Variants in EDC4 observed in about 807,000 individuals in gnomAD.
EDC4 encodes the protein enhancer of mRNA decapping 4.
EDC4 carries 64 observed loss-of-function variants against 155.8 expected under a neutral mutation model. The ratio of observed to expected loss-of-function variants is 0.41; its 90% confidence interval spans 0.34 to 0.51. The LOEUF (loss-of-function observed/expected upper bound fraction) is 0.51. EDC4 is among the 20% of genes least tolerant of loss of function. The pLI, the probability that EDC4 is intolerant of heterozygous loss-of-function variation, is 0.19. For synonymous variants in EDC4, 684 were observed against 716.8 expected (o/e 0.95, Z 0.73); for missense variants, 1,303 against 1,812.5 (o/e 0.72, Z 5.10).
At position 67,883,436 on chromosome 16, in the gene EDC4, G is replaced by C; in HGVS notation, c.3850-132G>C. On this transcript the variant is annotated intron_variant, in intron 27 of 28. Coordinates refer to ENST00000358933, the MANE Select transcript of EDC4 (RefSeq NM_014329.5). This position sits in a 1 kb window ranked among gnomAD's most constrained non-coding sequence, Gnocchi z 5.3. ...CTAGGGTAACTACACAGCCCTACAG[G>C]CTCTCTCTGAGTCCCTCTGGAGCTC... 1 of 1,416,000 alleles carries C rather than the reference G, an allele frequency of 7.1e-7. No homozygotes were observed. The highest frequency in any genetic ancestry group is 1.3e-5 in the South Asian group (1 of 77,918). The allele number at this position is 1,416,000 out of a possible 1,614,324, so 87.7% of individuals were successfully genotyped here. A position where few individuals can be genotyped will look rare whatever the true frequency, so the allele number is the denominator to read the frequency against.
chr16:67,878,807 G>A lies in EDC4; in HGVS notation c.1255G>A (p.Glu419Lys), dbSNP rs1164257717. ...SLKVCLDLSA[E>K]YLILSDVQRK... is the part of the protein sequence containing the mutation. ...CAAGGTTTGCTTGGACCTCTCAGCA[G>A]AATACCTGATTCTCAGCGATGTGCA... The change falls in exon 11 of 29, where the codon GAA (glutamate) becomes AAA (lysine). Residue 419 changes from glutamate to lysine, a missense_variant. By Grantham distance (56) the Glu-to-Lys change is moderately conservative. Coordinates refer to ENST00000358933, the MANE Select transcript of EDC4 (RefSeq NM_014329.5). The surrounding 1 kb of genome is among the most constrained non-coding windows in gnomAD (Gnocchi z 5.2). 6.2e-6 allele frequency: 10 copies of A among 1,613,984 alleles called. No homozygotes were observed. The highest frequency in any genetic ancestry group is 5.5e-5 in the South Asian group (5 of 91,092).
In EDC4 at chr16:67,877,204, C is replaced by T. The variant is rs1351105322; in HGVS notation, c.452-13C>T. The T allele has an allele frequency of 1.2e-6, 2 of 1,609,072 alleles. No individual in the cohort carries two copies. Among genetic ancestry groups the T allele is most frequent in the African/African-American group, 1.3e-5 (1 of 74,998 alleles). On this transcript the variant is annotated splice_polypyrimidine_tract_variant and intron_variant, in intron 4 of 28. Transcript: ENST00000358933. This position sits in a 1 kb window ranked among gnomAD's most constrained non-coding sequence, Gnocchi z 4.9. ...GGATACGTATTCATGGTCCACTGCT[C>T]TCCTGATTCCAGCTGCCAACAATGG...
In EDC4 at chr16:67,876,672, C is replaced by A; in HGVS notation, c.351+73C>A. ...AGCCTTTCCAGTCTCCCTCATGCTGCCAGTTCCTATGGGGACCACCTTGAC... is the reference window on the plus strand; with the variant it reads ...AGCCTTTCCAGTCTCCCTCATGCTGACAGTTCCTATGGGGACCACCTTGAC... On this transcript the variant is annotated intron_variant, in intron 3 of 28. Coordinates refer to ENST00000358933, the MANE Select transcript of EDC4 (RefSeq NM_014329.5). The surrounding 1 kb of genome is among the most constrained non-coding windows in gnomAD (Gnocchi z 5.8). The A allele has an allele frequency of 6.3e-7, 1 of 1,586,816 alleles. No homozygotes were observed. The highest frequency in any genetic ancestry group is 8.6e-7 in the Non-Finnish European group (1 of 1,164,080).
Position 67,877,061 on chromosome 16 carries a change from A to G in EDC4, c.451+89A>G, listed in dbSNP as rs1311028178. 2.6e-6 allele frequency: 4 copies of G among 1,568,052 alleles called. No homozygotes were observed. The highest frequency in any genetic ancestry group is 3.5e-6 in the Non-Finnish European group (4 of 1,155,704). ...ATCAGGCCACTCAGGCCTTAGGGGTACAATGGAAGGTTTGTCCATGCTGCC... is the reference window on the plus strand; with the variant it reads ...ATCAGGCCACTCAGGCCTTAGGGGTGCAATGGAAGGTTTGTCCATGCTGCC... On this transcript the variant is annotated intron_variant, in intron 4 of 28. Coordinates refer to ENST00000358933, the MANE Select transcript of EDC4 (RefSeq NM_014329.5). This position sits in a 1 kb window ranked among gnomAD's most constrained non-coding sequence, Gnocchi z 4.9.
Position 67,884,437 on chromosome 16 carries a change from A to G in EDC4, c.*289A>G, listed in dbSNP as rs2058084534. The G allele has an allele frequency of 1.9e-6, 1 of 525,796 alleles. No individual in the cohort carries two copies. The highest frequency in any genetic ancestry group is 3.4e-6 in the Non-Finnish European group (1 of 298,336). 32.6% of individuals were successfully genotyped at this position (525,796 alleles called of 1,614,324 possible). A position where few individuals can be genotyped will look rare whatever the true frequency, so the allele number is the denominator to read the frequency against. On this transcript the variant is annotated 3_prime_UTR_variant, in exon 29 of 29. Transcript: ENST00000358933. The surrounding 1 kb of genome is among the most constrained non-coding windows in gnomAD (Gnocchi z 4.1). The stretch of plus-strand genomic sequence containing the variant: ...ATTTTCCATGTTCCTTTTTACCTCT[A>G]ATTTGGATCTTTTTGTTTTTGAAAA...
chr16:67,878,099 T>G lies in EDC4; in HGVS notation c.895-67T>G. The G allele has an allele frequency of 6.2e-7, 1 of 1,602,748 alleles. No individual in the cohort carries two copies. The highest frequency in any genetic ancestry group is 8.5e-7 in the Non-Finnish European group (1 of 1,173,720). On this transcript the variant is annotated intron_variant, in intron 7 of 28. Coordinates refer to ENST00000358933, the MANE Select transcript of EDC4 (RefSeq NM_014329.5). The surrounding 1 kb of genome is among the most constrained non-coding windows in gnomAD (Gnocchi z 5.2). Reference sequence around the variant, plus strand: ...CCCACCGTGAGTCAGCCCAGCTCATTGCCATCCTCACTTGGGAGGGGCTTG... The same window carrying G: ...CCCACCGTGAGTCAGCCCAGCTCATGGCCATCCTCACTTGGGAGGGGCTTG...
At position 67,873,178 on chromosome 16, in the gene EDC4, C is replaced by A; in HGVS notation, c.-84C>A. 2 of 1,089,190 alleles carry A rather than the reference C, an allele frequency of 1.8e-6. No homozygotes were observed. The highest frequency in any genetic ancestry group is 2.0e-5 in the South Asian group (1 of 50,340). 67.5% of individuals were successfully genotyped at this position (1,089,190 alleles called of 1,614,324 possible). ...TAGTGACCGGCGTCCCGCTGTCTCG[C>A]CCCGTGGCGGGTGAGCGAGGGTGCG... On this transcript the variant is annotated 5_prime_UTR_variant, in exon 1 of 29. Coordinates refer to ENST00000358933, the MANE Select transcript of EDC4 (RefSeq NM_014329.5).
In EDC4 at chr16:67,882,088, A is replaced by C; in HGVS notation, c.3139A>C (p.Ile1047Leu). ...GCTAGAGCGCAGCATACGGGATGAG[A>C]TCAAGAAGACAGTCCCTCCATGTGA... is the stretch of plus-strand genomic sequence containing the variant. The part of the protein sequence containing the change: ...GRLERSIRDE[I>L]KKTVPPCVSR... The change falls in exon 23 of 29, where the codon ATC (isoleucine) becomes CTC (leucine). Residue 1047 changes from isoleucine (I) to leucine (L), a missense_variant. Physicochemically the swap from Ile to Leu is conservative, Grantham distance 5. Transcript: ENST00000358933. The surrounding 1 kb of genome is among the most constrained non-coding windows in gnomAD (Gnocchi z 7.2). 2.5e-6 allele frequency: 4 copies of C among 1,613,792 alleles called. No individual in the cohort carries two copies. Among genetic ancestry groups the C allele is most frequent in the Non-Finnish European group, 3.4e-6 (4 of 1,179,984 alleles).
chr16:67,883,672 C>A lies in EDC4; in HGVS notation c.3954C>A (p.Leu1318=). ...QPPCPLSQPV[L]LSLIQQLASD... ...CCTGCCCGCTCTCCCAGCCTGTGCT[C>A]CTTTCCCTCATCCAGCAGCTGGCAT... The change falls in exon 28 of 29, where the codon CTC becomes CTA. Residue 1318 remains leucine (L), a synonymous_variant. Coordinates refer to ENST00000358933, the MANE Select transcript of EDC4 (RefSeq NM_014329.5). The surrounding 1 kb of genome is among the most constrained non-coding windows in gnomAD (Gnocchi z 5.3). 6.2e-7 allele frequency: 1 copy of A among 1,614,218 alleles called. No homozygotes were observed. Among genetic ancestry groups the A allele is most frequent in the Middle Eastern group, 1.6e-4 (1 of 6,062 alleles).
In EDC4 at chr16:67,881,555, G is replaced by A. The variant is rs779001562; in HGVS notation, c.2826+22G>A. 6 of 1,613,752 alleles carry A rather than the reference G, an allele frequency of 3.7e-6. No individual in the cohort carries two copies. The highest frequency in any genetic ancestry group is 4.2e-6 in the Non-Finnish European group (5 of 1,180,008). On this transcript the variant is annotated intron_variant, in intron 21 of 28. Coordinates refer to ENST00000358933, the MANE Select transcript of EDC4 (RefSeq NM_014329.5). This position sits in a 1 kb window ranked among gnomAD's most constrained non-coding sequence, Gnocchi z 5.4. The stretch of plus-strand genomic sequence containing the variant: ...CCAGGTAAGTGAATGAGCCCACTTT[G>A]TACTTGTGGAACTTCACCCTGGGCG...
Position 67,881,578 on chromosome 16 carries a change from G to A in EDC4, c.2826+45G>A. On this transcript the variant is annotated intron_variant, in intron 21 of 28. Coordinates refer to ENST00000358933, the MANE Select transcript of EDC4 (RefSeq NM_014329.5). This position sits in a 1 kb window ranked among gnomAD's most constrained non-coding sequence, Gnocchi z 5.4. ...TTGTACTTGTGGAACTTCACCCTGG[G>A]CGGGTGGAGAAGGGCTCTGGGCCAT... is the stretch of plus-strand genomic sequence containing the variant. 1 of 1,613,454 alleles carries A rather than the reference G, an allele frequency of 6.2e-7. No individual in the cohort carries two copies. The highest frequency in any genetic ancestry group is 8.5e-7 in the Non-Finnish European group (1 of 1,179,846).
At position 67,882,070 on chromosome 16, in the gene EDC4, C is replaced by T. The variant is rs1341391429; in HGVS notation, c.3121C>T (p.Arg1041Cys). Residue 1041 changes from arginine (R) to cysteine (C), a missense_variant, in exon 23 of 29, where the codon CGC (arginine) becomes TGC (cysteine). Around this residue, in one of 5 missense-constraint regions of EDC4, gnomAD observed 527 missense variants for 757.0 expected, o/e 0.70. Transcript: ENST00000358933. This position sits in a 1 kb window ranked among gnomAD's most constrained non-coding sequence, Gnocchi z 7.2. ...LSSAVAGRLE[R>C]SIRDEIKKTV... ...GTCAGCTGTAGCTGGGCGGCTAGAG[C>T]GCAGCATACGGGATGAGATCAAGAA... The T allele has an allele frequency of 6.2e-7, 1 of 1,613,298 alleles. No individual in the cohort carries two copies.
chr16:67,877,436 C>G lies in EDC4; in HGVS notation c.641+30C>G. On this transcript the variant is annotated intron_variant, in intron 5 of 28. Transcript: ENST00000358933. The surrounding 1 kb of genome is among the most constrained non-coding windows in gnomAD (Gnocchi z 4.9). ...CCATTCCTTCCTGTGGGTGGTGGGA[C>G]TGAAGAAGGGTGGGCGGAGCTGGGG... 6.2e-7 allele frequency: 1 copy of G among 1,610,746 alleles called. No individual in the cohort carries two copies. The highest frequency in any genetic ancestry group is 8.5e-7 in the Non-Finnish European group (1 of 1,177,768).
rs2058055535 is a variant in EDC4, at chr16:67,879,500, T to A, written c.1630T>A (p.Phe544Ile). The change falls in exon 14 of 29, where the codon TTC becomes ATC. Residue 544 changes from phenylalanine (F) to isoleucine (I), a missense_variant. By Grantham distance (21) the Phe-to-Ile change is conservative. Around this residue, in one of 5 missense-constraint regions of EDC4, gnomAD observed 391 missense variants for 445.4 expected, o/e 0.88. Coordinates refer to ENST00000358933, the MANE Select transcript of EDC4 (RefSeq NM_014329.5). This position sits in a 1 kb window ranked among gnomAD's most constrained non-coding sequence, Gnocchi z 6.0. ...PLPTHTAHED[F>I]TFGESRPELG... is the part of the protein sequence containing the mutation. The stretch of plus-strand genomic sequence containing the variant: ...GCCCACCCACACTGCCCACGAGGAC[T>A]TCAGTGAGTAGGGCGTGAGAGGGAG... 6.2e-7 allele frequency: 1 copy of A among 1,614,028 alleles called. No homozygotes were observed. Among genetic ancestry groups the A allele is most frequent in the Non-Finnish European group, 8.5e-7 (1 of 1,180,010 alleles).
rs1429577413 is a variant in EDC4 at position 67,882,696 on chromosome 16, A to G, written c.3460A>G (p.Ser1154Gly). 2 of 1,614,240 alleles carry G rather than the reference A, an allele frequency of 1.2e-6. No individual in the cohort carries two copies. Among genetic ancestry groups the G allele is most frequent in the South Asian group, 2.2e-5 (2 of 91,090 alleles). The change falls in exon 26 of 29, where the codon AGC (serine) becomes GGC (glycine). Residue 1154 changes from serine (S) to glycine (G), a missense_variant. Transcript: ENST00000358933. The surrounding 1 kb of genome is among the most constrained non-coding windows in gnomAD (Gnocchi z 7.2). ...CCCCTCAGACTTGCAGCAGCTAGAA[A>G]GCCACATGAAGAGCCGGAAGGCACG... ...GTQEYLQQLE[S>G]HMKSRKAREQ... is the part of the protein sequence containing the mutation.
chr16:67,879,644 G>A lies in EDC4; in HGVS notation c.1691G>A (p.Gly564Asp). Residue 564 changes from glycine to aspartate, a missense_variant, in exon 15 of 29, where the codon GGC becomes GAC. Coordinates refer to ENST00000358933, the MANE Select transcript of EDC4 (RefSeq NM_014329.5). This position sits in a 1 kb window ranked among gnomAD's most constrained non-coding sequence, Gnocchi z 6.0. ...GSEGLGSAAH[G>D]SQPDLRRIVE... The stretch of plus-strand genomic sequence containing the variant: ...GAGGGCCTGGGGTCAGCCGCTCACG[G>A]CTCCCAGCCTGACCTCCGACGAATC... 6.2e-7 allele frequency: 1 copy of A among 1,614,140 alleles called. No individual in the cohort carries two copies.
chr16:67,880,071 A>C lies in EDC4; in HGVS notation c.1952A>C (p.Glu651Ala), dbSNP rs762843618. 24 of 1,605,498 alleles carry C rather than the reference A, an allele frequency of 1.5e-5. No homozygotes were observed. Among genetic ancestry groups the C allele is most frequent in the Non-Finnish European group, 2.0e-5 (23 of 1,174,904 alleles). Residue 651 changes from glutamate to alanine, a missense_variant, in exon 17 of 29, where the codon GAG becomes GCG. Glu to Ala is a moderately radical substitution (Grantham distance 107). This residue lies in a region of EDC4 where 391 missense variants were observed against 445.4 expected (regional missense o/e 0.88). Coordinates refer to ENST00000358933, the MANE Select transcript of EDC4 (RefSeq NM_014329.5). This position sits in a 1 kb window ranked among gnomAD's most constrained non-coding sequence, Gnocchi z 5.2. ...CAGCCTTCCCCCACCAGGCCACCTG[A>C]GGAGCTGACCTTGAGCCCCAAGCTG... ...AVDPSLTRPPEELTLSPKLQL... is the reference protein window; with the variant it reads ...AVDPSLTRPPAELTLSPKLQL...
Position 67,883,761 on chromosome 16 carries a change from T to A in EDC4, c.4013+30T>A. 6.2e-7 allele frequency: 1 copy of A among 1,610,884 alleles called. No individual in the cohort carries two copies. On this transcript the variant is annotated intron_variant, in intron 28 of 28. Coordinates refer to ENST00000358933, the MANE Select transcript of EDC4 (RefSeq NM_014329.5). This position sits in a 1 kb window ranked among gnomAD's most constrained non-coding sequence, Gnocchi z 5.3. ...GTGGGGACAGCCAGGGATGGGGAGATGAGCTGGGGAGTGGGGCAGTGGGAG... is the reference window on the plus strand; with the variant it reads ...GTGGGGACAGCCAGGGATGGGGAGAAGAGCTGGGGAGTGGGGCAGTGGGAG...
At chr16:67,875,221 C>T (rs1473622987) in intron 1 of EDC4, among the ~76,000 whole-genome samples, 1 of 152,190 alleles carries the variant, frequency 6.6e-6, no homozygotes. Flanking sequence ...CCCATAGTTT[C>T]TCTCCTTTTG....
Sources: gnomAD v4.1 joint callset for allele counts (sites outside exome capture counted in the v4.1 genomes callset) on GRCh38, gnomAD v4.1.1 for gene constraint, gnomAD v4.1.1 regional missense constraint, Gnocchi (gnomAD v3.1) non-coding constraint, MANE v1.5 for transcripts, NCBI Gene and HGNC (gene_info 2026-07-23, HGNC 2026-07-21) for gene names.